The following SLC25A21 variants were observed in gnomAD, a reference collection of about 807,000 sequenced individuals.
SLC25A21 encodes mitochondrial 2-oxodicarboxylate carrier.
In SLC25A21, 47 loss-of-function variants were observed where a neutral mutation model predicts 43.8. The ratio of observed to expected loss-of-function variants is 1.07; its 90% CI spans 0.85 to 1.37. SLC25A21 has a LOEUF of 1.37. SLC25A21 is among the 40% of genes most tolerant of loss of function. The pLI is 0.00. For missense variants in SLC25A21, 352 were observed against 350.2 expected, an observed-to-expected ratio of 1.00 and a Z score of -0.04; for synonymous variants, 131 against 121.3, an observed-to-expected ratio of 1.08 and a Z score of -0.52.
At position 36,992,815 on chromosome 14, in the gene SLC25A21, C is replaced by T. The variant is rs549522199; in HGVS notation, c.71-117811G>A. Among the ~76,000 whole-genome samples, 6 of 152,260 alleles carry T rather than the reference C, an allele frequency of 3.9e-5. No homozygotes were observed. In the South Asian group the frequency reaches 1.2e-3, roughly 32 times the overall value. Reference sequence around the variant, plus strand: ...GAAGACACAATGTTTAAGTATAGGTCTAATTACTGCAATCATTTCTTTTTG... The same window carrying T: ...GAAGACACAATGTTTAAGTATAGGTTTAATTACTGCAATCATTTCTTTTTG... On this transcript the variant is annotated intron_variant, in intron 1 of 9. Transcript: ENST00000331299.
intron 1 of SLC25A21, among the ~76,000 whole-genome samples, chr14:37,092,548 G>A (rs1455763113): frequency 1.3e-5 from 2 of 152,092 alleles, no homozygotes; most frequent in Non-Finnish European, 2.9e-5. Flanking sequence ...CTAAGCCACA[G>A]GGATTTCTTT....
chr14:37,092,844 G>GT lies in SLC25A21; in HGVS notation c.70+79436dup, dbSNP rs535174651. Among the ~76,000 whole-genome samples the GT allele has an allele frequency of 1.1e-3, 162 of 151,942 alleles. 2 individuals are homozygous for GT. Among genetic ancestry groups the GT allele is most frequent in the Non-Finnish European group, 2.2e-3 (152 of 67,982 alleles). ...TTTAAGGCAACATGGGTGAGGTTCT[G>GT]TTTTTCTTGTACCCAAGAGAATTCT... On this transcript the variant is annotated intron_variant, in intron 1 of 9. Transcript: ENST00000331299.
intron 1 of SLC25A21, among the ~76,000 whole-genome samples, chr14:36,895,244 C>T (rs1891204487): frequency 6.6e-6 from 1 of 152,190 alleles, no homozygotes; most frequent in Non-Finnish European, 1.5e-5. Flanking sequence ...TTCGGAGATT[C>T]AACTTCTTCC....
rs542547257 is a variant in SLC25A21 at position 36,883,910 on chromosome 14, G to A, written c.71-8906C>T. ...GTTTCATACATGTATAAATATACAC[G>A]TATACATTGTGGAATGATTGAGTCA... On this transcript the variant is annotated intron_variant, in intron 1 of 9. Coordinates refer to ENST00000331299, the MANE Select transcript of SLC25A21 (RefSeq NM_030631.4). Among the ~76,000 whole-genome samples the A allele has an allele frequency of 6.2e-4, 94 of 152,076 alleles. No individual in the cohort carries two copies. In the South Asian group the frequency reaches 0.017, roughly 28 times the overall value.
intron 1 of SLC25A21, among the ~76,000 whole-genome samples, chr14:37,010,380 T>G (rs1420958652): frequency 6.6e-6 from 1 of 152,202 alleles, no homozygotes; most frequent in East Asian, 1.9e-4. Context: ...GTGAAATGAT[T>G]TGAAGTTCAC....
At chr14:37,061,227 C>T (rs1309725777) in intron 1 of SLC25A21, among the ~76,000 whole-genome samples, 1 of 152,160 alleles carries the variant, frequency 6.6e-6, no homozygotes, top group African/African-American at 2.4e-5. Context: ...GCCAAGCCTC[C>T]TCAAGTGTTC....
intron 1 of SLC25A21, among the ~76,000 whole-genome samples, chr14:37,151,568 G>C (rs1161552411): frequency 1.3e-5 from 2 of 152,148 alleles, no homozygotes; most frequent in East Asian, 3.8e-4. Flanking sequence ...AGAAAAAGAA[G>C]ACTTATGGGG....
chr14:37,092,788 C>T (rs1054207003), intron 1 of SLC25A21, among the ~76,000 whole-genome samples: 6 of 151,474 alleles, frequency 4.0e-5, no homozygotes, highest in African/African-American at 7.3e-5. Context: ...TTTAATTTTT[C>T]AATTAAATAG....
chr14:36,817,870 A>G (rs1888507378), intron 2 of SLC25A21, among the ~76,000 whole-genome samples: 1 of 152,216 alleles, frequency 6.6e-6, no homozygotes, highest in African/African-American at 2.4e-5. Flanking sequence ...TATACAGAGT[A>G]TGATGATTTC....
chr14:36,968,456 G>A (rs1331942970), intron 1 of SLC25A21, among the ~76,000 whole-genome samples: 1 of 152,138 alleles, frequency 6.6e-6, no homozygotes, highest in African/African-American at 2.4e-5. Context: ...AAGGCAGTGA[G>A]GCAGCCTAGA....
intron 7 of SLC25A21, among the ~76,000 whole-genome samples, chr14:36,685,637 C>T (rs559252822): frequency 2.6e-4 from 40 of 152,218 alleles, no homozygotes; most frequent in Non-Finnish European, 4.3e-4. Flanking sequence ...AAAGAGAGAG[C>T]GAGAGTGAGT....
At chr14:37,163,709 T>C (rs1392777018) in intron 1 of SLC25A21, among the ~76,000 whole-genome samples, 1 of 152,034 alleles carries the variant, frequency 6.6e-6, no homozygotes, top group Non-Finnish European at 1.5e-5. Context: ...GGAGGATGAA[T>C]AAAAGTGGGT....
chr14:37,056,256 C>T (rs8012371), intron 1 of SLC25A21, among the ~76,000 whole-genome samples: 6,883 of 152,054 alleles, frequency 0.045, 511 homozygotes, highest in African/African-American at 0.16. Flanking sequence ...TTTGGGAGGC[C>T]GAGGCGGGCG....
chr14:36,789,788 A>T (rs1452000465), intron 3 of SLC25A21, among the ~76,000 whole-genome samples: 1 of 109,872 alleles, frequency 9.1e-6, no homozygotes, highest in Non-Finnish European at 1.8e-5. Context: ...TTATATATTT[A>T]TATATAATAT....
intron 2 of SLC25A21, chr14:36,828,383 T>C (rs926732384): frequency 6.6e-6 from 1 of 152,152 alleles, no homozygotes; most frequent in Admixed American, 6.6e-5. Flanking sequence ...TAAGAAGTAA[T>C]TGGCACTTCT....
chr14:36,862,208 T>C (rs1785199072), intron 2 of SLC25A21, among the ~76,000 whole-genome samples: 1 of 152,204 alleles, frequency 6.6e-6, no homozygotes, highest in Admixed American at 6.5e-5. Flanking sequence ...TGGCAATTCC[T>C]CAAGGACCTA....
chr14:36,927,080 G>C (rs1892153122), intron 1 of SLC25A21, among the ~76,000 whole-genome samples: 2 of 152,168 alleles, frequency 1.3e-5, no homozygotes, highest in South Asian at 4.1e-4. Flanking sequence ...TGAGACACAA[G>C]AGTCGCTTGA....
chr14:36,932,516 G>A (rs1892320705), intron 1 of SLC25A21, among the ~76,000 whole-genome samples: 1 of 152,038 alleles, frequency 6.6e-6, no homozygotes, highest in African/African-American at 2.4e-5. Flanking sequence ...TTTATTGAGT[G>A]CCTACTATGT....
At chr14:36,991,890 A>C (rs1033289951) in intron 1 of SLC25A21, among the ~76,000 whole-genome samples, 2 of 152,206 alleles carry the variant, frequency 1.3e-5, no homozygotes, top group African/African-American at 4.8e-5. Context: ...CAGTAAGATC[A>C]GTGCCTTTTA....
Sources: allele counts gnomAD v4.1 joint callset (sites outside exome capture counted in the v4.1 genomes callset), GRCh38; gene constraint gnomAD v4.1.1; transcripts MANE v1.5; gene names NCBI Gene and HGNC (gene_info 2026-07-23, HGNC 2026-07-21).